The following CREB5 variants were observed in gnomAD, a reference collection of about 807,000 sequenced individuals.
CREB5 encodes the protein cyclic AMP-responsive element-binding protein 5.
In CREB5, 19 loss-of-function variants were observed where a neutral mutation model predicts 57.1. The ratio of observed to expected loss-of-function variants is 0.33; its 90% confidence interval spans 0.23 to 0.49. The LOEUF is 0.49. Among genes scored for constraint, CREB5 ranks in the 20% least tolerant of loss-of-function variants. The pLI is 0.99. For synonymous variants in CREB5, 238 were observed against 238.3 expected (o/e 1.00, Z 0.01); for missense variants, 579 against 671.6 (o/e 0.86, Z 1.52).
intron 1 of CREB5, among the ~76,000 whole-genome samples, chr7:28,442,289 T>C (rs894144233): frequency 6.6e-6 from 1 of 150,736 alleles, no homozygotes; most frequent in Admixed American, 6.6e-5. Flanking sequence ...TTTTTATGAC[T>C]GAATAGTATT....
chr7:28,470,755 T>C (rs1790772406), intron 1 of CREB5, among the ~76,000 whole-genome samples: 1 of 152,240 alleles, frequency 6.6e-6, no homozygotes, highest in African/African-American at 2.4e-5. Flanking sequence ...GCCTGTCTTT[T>C]GGATATAAGC....
chr7:28,386,631 T>C (rs1787110062), intron 1 of CREB5, among the ~76,000 whole-genome samples: 2 of 152,206 alleles, frequency 1.3e-5, no homozygotes, highest in Admixed American at 1.3e-4. Context: ...CTTCTTAAAC[T>C]CCAAGTGGAC....
At chr7:28,426,571 A>C (rs867220475) in intron 1 of CREB5, among the ~76,000 whole-genome samples, 3 of 152,172 alleles carry the variant, frequency 2.0e-5, no homozygotes, top group Non-Finnish European at 4.4e-5. Flanking sequence ...TTCCAGACAC[A>C]CACGTGCACA....
rs58259868 is a variant in CREB5, at chr7:28,326,153, TTATCTATCTATCTATCTATCTATCTATC to T, written c.-25+26743_-25+26770del. On this transcript the variant is annotated intron_variant, in intron 1 of 9. Transcript: ENST00000396299. ...GAGACAGAACTGGTACACACACACATTATCTATCTATCTATCTATCTATCTATCTATCTATCTATCTATCTATCTATCT... is the reference window on the plus strand; with the variant it reads ...GAGACAGAACTGGTACACACACACATTATCTATCTATCTATCTATCTATCT... Among the ~76,000 whole-genome samples the T allele has an allele frequency of 4.1e-5, 6 of 146,210 alleles. No homozygotes were observed. The South Asian group carries it at 1.1e-3, about 28-fold the overall frequency.
chr7:28,702,537 G>C (rs1801914507), intron 5 of CREB5, among the ~76,000 whole-genome samples: 1 of 152,180 alleles, frequency 6.6e-6, no homozygotes, highest in Admixed American at 6.5e-5. Context: ...ATGTTATGAT[G>C]TTCTCCTTTC....
At chr7:28,434,810 T>C (rs1438040908) in intron 1 of CREB5, among the ~76,000 whole-genome samples, 1 of 152,158 alleles carries the variant, frequency 6.6e-6, no homozygotes, top group Non-Finnish European at 1.5e-5. Context: ...TATTGTGCAA[T>C]TCTAAGTTTG....
chr7:28,805,808 G>A (rs1031426365), intron 8 of CREB5, among the ~76,000 whole-genome samples: 15 of 152,110 alleles, frequency 9.9e-5, no homozygotes, highest in African/African-American at 3.6e-4. Context: ...GTAAAATGGG[G>A]CTGGGTAATA....
intron 5 of CREB5, among the ~76,000 whole-genome samples, chr7:28,633,241 T>G (rs534167335): frequency 2.6e-5 from 4 of 152,336 alleles, no homozygotes; most frequent in Middle Eastern, 3.4e-3. Context: ...TGTGCTTTTA[T>G]CCACTCTATG....
rs1323473003 is a variant in CREB5, at chr7:28,820,770, A to ATTTATTTTTACT, written c.*1500_*1511dup. The stretch of plus-strand genomic sequence containing the variant: ...AGGTTCACATAACCATGCCTGGCTA[A>ATTTATTTTTACT]TTTATTTTTACTTTTATTTTAAAAT... On this transcript the variant is annotated 3_prime_UTR_variant, in exon 11 of 11. Transcript: ENST00000357727. The ATTTATTTTTACT allele has an allele frequency of 2.0e-5, 3 of 152,000 alleles. No individual in the cohort carries two copies. Among genetic ancestry groups the ATTTATTTTTACT allele is most frequent in the Admixed American group, 6.6e-5 (1 of 15,240 alleles). 9.4% of individuals were successfully genotyped at this position (152,000 alleles called of 1,614,324 possible). A position where few individuals can be genotyped will look rare whatever the true frequency, so the allele number is the denominator to read the frequency against.
At chr7:28,459,058 G>A (rs1191442816) in intron 1 of CREB5, among the ~76,000 whole-genome samples, 1 of 152,170 alleles carries the variant, frequency 6.6e-6, no homozygotes, top group East Asian at 1.9e-4. Flanking sequence ...AAGACGAACT[G>A]TAGCCGTCAG....
At chr7:28,517,248 C>G (rs993140147) in intron 4 of CREB5, among the ~76,000 whole-genome samples, 30 of 152,186 alleles carry the variant, frequency 2.0e-4, no homozygotes, top group African/African-American at 6.8e-4. Flanking sequence ...AAGAAACTGT[C>G]TCTGCCTCCA....
At chr7:28,730,697 A>G (rs1437352010) in intron 7 of CREB5, among the ~76,000 whole-genome samples, 8 of 152,206 alleles carry the variant, frequency 5.3e-5, no homozygotes, top group Admixed American at 5.2e-4. Context: ...AACTGCTTCC[A>G]TGTACATCAT....
Position 28,657,717 on chromosome 7 carries a change from GA to G in CREB5, c.465-61015del, listed in dbSNP as rs59307921. ...GGGTGACAGAGCAAGACTCTCTCTC[GA>G]AAAAAAAAAAAAAAAAAAAAGAATA... is the stretch of plus-strand genomic sequence containing the variant. On this transcript the variant is annotated intron_variant, in intron 5 of 10. Transcript: ENST00000357727. 6.1e-3 allele frequency among the ~76,000 whole-genome samples: 330 copies of G among 54,020 alleles called. 1 individual carries two copies. The highest frequency in any genetic ancestry group is 0.017 in the South Asian group (21 of 1,260). The allele number at this position is 54,020 out of a possible 152,430, so 35.4% of individuals were successfully genotyped here.
chr7:28,337,333 C>T (rs1253757036), intron 1 of CREB5, among the ~76,000 whole-genome samples: 1 of 152,036 alleles, frequency 6.6e-6, no homozygotes, highest in African/African-American at 2.4e-5. Context: ...GTCTGTCTCT[C>T]TCTTTAGCTC....
rs139816493 is a variant in CREB5, at chr7:28,690,370, C to A, written c.465-28383C>A. Among the ~76,000 whole-genome samples, 280 of 152,324 alleles carry A rather than the reference C, an allele frequency of 1.8e-3. 1 individual carries two copies. The highest frequency in any genetic ancestry group is 3.5e-3 in the Admixed American group (54 of 15,308). On this transcript the variant is annotated intron_variant, in intron 5 of 10. Coordinates refer to ENST00000357727, the MANE Select transcript of CREB5 (RefSeq NM_182898.4). ...GCATCACCATAGTCGATGCTGAACTCACATTCTTCCTCCTCGCCCTCACAT... is the reference window on the plus strand; with the variant it reads ...GCATCACCATAGTCGATGCTGAACTAACATTCTTCCTCCTCGCCCTCACAT...
chr7:28,345,464 G>A (rs1455115378), intron 1 of CREB5, among the ~76,000 whole-genome samples: 1 of 152,164 alleles, frequency 6.6e-6, no homozygotes, highest in African/African-American at 2.4e-5. Context: ...GTATAACAGG[G>A]TTTGTTGTGA....
chr7:28,772,171 A>AT (rs1490424449), intron 7 of CREB5, among the ~76,000 whole-genome samples: 1 of 152,118 alleles, frequency 6.6e-6, no homozygotes, highest in East Asian at 1.9e-4. Flanking sequence ...AGTTTCCTGA[A>AT]TTTGGCAGAA....
chr7:28,677,567 T>C (rs752875029), intron 5 of CREB5, among the ~76,000 whole-genome samples: 4 of 152,228 alleles, frequency 2.6e-5, no homozygotes, highest in Non-Finnish European at 5.9e-5. Flanking sequence ...GAGCATACTT[T>C]TTCTCTTGGG....
intron 7 of CREB5, among the ~76,000 whole-genome samples, chr7:28,748,630 G>A (rs1804806143): frequency 6.6e-6 from 1 of 152,226 alleles, no homozygotes; most frequent in Non-Finnish European, 1.5e-5. Context: ...TTCAGTATCT[G>A]TGGAACAAGT....
Sources: allele counts gnomAD v4.1 joint callset (sites outside exome capture counted in the v4.1 genomes callset), GRCh38; gene constraint gnomAD v4.1.1; transcripts MANE v1.5; gene names NCBI Gene and HGNC (gene_info 2026-07-23, HGNC 2026-07-21).